The following SH2D4A variants were observed in gnomAD, a reference collection of about 807,000 sequenced individuals.
SH2D4A encodes SH2 domain-containing protein 4A.
Under a neutral mutation model 64.7 loss-of-function variants are expected in SH2D4A, and 70 were observed. That is an observed-to-expected ratio of 1.08 (90% confidence interval 0.89 to 1.32). The LOEUF (loss-of-function observed/expected upper bound fraction) is 1.32. Ranked by LOEUF, SH2D4A falls within the 40% of genes most tolerant of loss-of-function variation. The pLI is 0.00. For synonymous variants in SH2D4A, 268 were observed against 200.7 expected, an observed-to-expected ratio of 1.34 and a Z score of -2.83; for missense variants, 706 against 540.1, an observed-to-expected ratio of 1.31 and a Z score of -3.04.
At chr8:19,339,091 C>T (rs2052487717) in intron 4 of SH2D4A, among the ~76,000 whole-genome samples, 2 of 152,234 alleles carry the variant, frequency 1.3e-5, no homozygotes, top group Non-Finnish European at 2.9e-5. Context: ...TGGCAAACCA[C>T]TGGCATAAAT....
rs1453869052 is a variant in SH2D4A at position 19,315,519 on chromosome 8, A to G, written c.-205+1696A>G. On this transcript the variant is annotated intron_variant, in intron 1 of 9. Transcript: ENST00000265807. ...TCAGAGTTATTCAAAAGACAGTTGTATTGTAGAACAGTGTGAAGGTGTGAG... is the reference window on the plus strand; with the variant it reads ...TCAGAGTTATTCAAAAGACAGTTGTGTTGTAGAACAGTGTGAAGGTGTGAG... 2.0e-5 allele frequency among the ~76,000 whole-genome samples: 3 copies of G among 152,334 alleles called. No individual in the cohort carries two copies. The East Asian group carries it at 5.8e-4, about 29-fold the overall frequency.
intron 1 of SH2D4A, among the ~76,000 whole-genome samples, chr8:19,315,486 T>G (rs1482462594): frequency 6.6e-6 from 1 of 152,224 alleles, no homozygotes; most frequent in African/African-American, 2.4e-5. Context: ...TTGTATTTTG[T>G]TTAGGTCTCA....
chr8:19,345,292 T>G (rs1418909890), intron 4 of SH2D4A, among the ~76,000 whole-genome samples: 1 of 152,188 alleles, frequency 6.6e-6, no homozygotes. Context: ...GGACTCTGTT[T>G]GCTGAGGTGA....
chr8:19,394,303 G>C (rs1213731445), intron 9 of SH2D4A, among the ~76,000 whole-genome samples: 1 of 152,196 alleles, frequency 6.6e-6, no homozygotes, highest in Non-Finnish European at 1.5e-5. Context: ...ACTGGTACTG[G>C]TCCATGGCCC....
chr8:19,342,152 T>A (rs1319983600), intron 4 of SH2D4A, among the ~76,000 whole-genome samples: 1 of 152,190 alleles, frequency 6.6e-6, no homozygotes, highest in Non-Finnish European at 1.5e-5. Context: ...GGGTTGGGTT[T>A]GGGCATGAGA....
Position 19,394,841 on chromosome 8 carries a change from C to T in SH2D4A, c.*199C>T. 1 of 398,010 alleles carries T rather than the reference C, an allele frequency of 2.5e-6. No individual in the cohort carries two copies. Among genetic ancestry groups the T allele is most frequent in the Non-Finnish European group, 4.5e-6 (1 of 224,658 alleles). The allele number at this position is 398,010 out of a possible 1,614,324, so 24.7% of individuals were successfully genotyped here. On this transcript the variant is annotated 3_prime_UTR_variant, in exon 10 of 10. Transcript: ENST00000265807. ...GAATTCAATGTCAAGAGAAAATGAC[C>T]TCTGCTCAAAAGGGAGAAGAGTCTC...
At chr8:19,335,939 A>G (rs2052438799) in intron 4 of SH2D4A, among the ~76,000 whole-genome samples, 1 of 152,122 alleles carries the variant, frequency 6.6e-6, no homozygotes, top group African/African-American at 2.4e-5. Flanking sequence ...TTTGATTTCC[A>G]TTTATGTCTC....
At position 19,393,418 on chromosome 8, in the gene SH2D4A, G is replaced by A. The variant is rs756624732; in HGVS notation, c.1149G>A (p.Leu383=). 6.2e-7 allele frequency: 1 copy of A among 1,614,244 alleles called. No homozygotes were observed. Among genetic ancestry groups the A allele is most frequent in the Non-Finnish European group, 8.5e-7 (1 of 1,180,050 alleles). Reference sequence around the variant, plus strand: ...GTGAAAGGATCAAAGGCTATGCCCTGTCCTATCTGTCGGAGGACGGCTGTA... The same window carrying A: ...GTGAAAGGATCAAAGGCTATGCCCTATCCTATCTGTCGGAGGACGGCTGTA... ...RVSERIKGYA[L]SYLSEDGCKH... The change falls in exon 9 of 10, where the codon CTG becomes CTA. Residue 383 remains leucine, a synonymous_variant. Transcript: ENST00000265807.
intron 5 of SH2D4A, among the ~76,000 whole-genome samples, chr8:19,357,878 C>T (rs143012584): frequency 9.1e-4 from 139 of 152,292 alleles, no homozygotes; most frequent in Admixed American, 1.7e-3. Flanking sequence ...ATTTGACCTA[C>T]CGAGAGTCTG....
intron 9 of SH2D4A, 52 bp downstream of exon 9, chr8:19,393,593 G>A (rs767296705): frequency 3.2e-6 from 5 of 1,559,082 alleles, no homozygotes; most frequent in Non-Finnish European, 4.4e-6. Context: ...TCCTGTAGCA[G>A]CTCTAACAAT....
At chr8:19,352,575 T>A (rs1784038605) in intron 4 of SH2D4A, among the ~76,000 whole-genome samples, 5 of 152,222 alleles carry the variant, frequency 3.3e-5, no homozygotes. Context: ...ATTTCTGTAA[T>A]GTGGCAGATG....
chr8:19,359,851 T>C (rs912478251), intron 5 of SH2D4A, among the ~76,000 whole-genome samples: 1 of 152,298 alleles, frequency 6.6e-6, no homozygotes, highest in African/African-American at 2.4e-5. Context: ...TACGTTGTGG[T>C]GACATAATAG....
chr8:19,317,914 A>C (rs1482093569), intron 1 of SH2D4A, among the ~76,000 whole-genome samples: 1 of 147,926 alleles, frequency 6.8e-6, no homozygotes, highest in Non-Finnish European at 1.5e-5. Flanking sequence ...TTCTTTTTTT[A>C]TTTTTGAGAC....
At position 19,370,202 on chromosome 8, in the gene SH2D4A, A is replaced by G. The variant is rs548146686; in HGVS notation, c.918-3328A>G. ...CTAACATATTCCTAGAGAGTATTCT[A>G]TTTGCTGTTGAGATACTGTGTATTC... On this transcript the variant is annotated intron_variant, in intron 7 of 9. Coordinates refer to ENST00000265807, the MANE Select transcript of SH2D4A (RefSeq NM_022071.4). Among the ~76,000 whole-genome samples the G allele has an allele frequency of 3.9e-3, 593 of 152,122 alleles. 4 individuals carry two copies. Among genetic ancestry groups the G allele is most frequent in the African/African-American group, 0.013 (559 of 41,550 alleles).
chr8:19,381,001 T>A (rs2053283846), intron 8 of SH2D4A, among the ~76,000 whole-genome samples: 1 of 152,132 alleles, frequency 6.6e-6, no homozygotes, highest in South Asian at 2.1e-4. Context: ...ACATGGGATG[T>A]GTTTTTATTT....
intron 2 of SH2D4A, among the ~76,000 whole-genome samples, chr8:19,319,929 A>G (rs574869569): frequency 6.6e-6 from 1 of 152,336 alleles, no homozygotes; most frequent in South Asian, 2.1e-4. Flanking sequence ...ATGGAGTTGC[A>G]TAGCTATGAG....
chr8:19,319,839 G>C, intron 2 of SH2D4A, 111 bp downstream of exon 2: 1 of 1,111,106 alleles, frequency 9.0e-7, no homozygotes, highest in Non-Finnish European at 1.2e-6. Flanking sequence ...CAGTTTGGCA[G>C]ATGAATCCTA....
Position 19,393,456 on chromosome 8 carries a change from T to C in SH2D4A, c.1187T>C (p.Ile396Thr), listed in dbSNP as rs147445565. ...GAGGACGGCTGTAAACATTTCCTCATCGATGCCTCTGCAGACGCCTACAGC... is the reference window on the plus strand; with the variant it reads ...GAGGACGGCTGTAAACATTTCCTCACCGATGCCTCTGCAGACGCCTACAGC... ...LSEDGCKHFL[I>T]DASADAYSFL... Residue 396 changes from isoleucine (I) to threonine (T), a missense_variant, in exon 9 of 10, where the codon ATC (isoleucine) becomes ACC (threonine). By Grantham distance (89) the Ile-to-Thr change is moderately conservative. Transcript: ENST00000265807. 3 of 1,614,108 alleles carry C rather than the reference T, an allele frequency of 1.9e-6. No individual in the cohort carries two copies. In the African/African-American group the frequency reaches 4.0e-5, roughly 22 times the overall value.
intron 2 of SH2D4A, among the ~76,000 whole-genome samples, chr8:19,321,154 AGTC>A (rs2052183898): frequency 6.6e-6 from 1 of 152,218 alleles, no homozygotes; most frequent in African/African-American, 2.4e-5. Flanking sequence ...ACTTCTGCAA[AGTC>A]AGCAGTGACA....
Sources: allele counts gnomAD v4.1 joint callset (sites outside exome capture counted in the v4.1 genomes callset), GRCh38; gene constraint gnomAD v4.1.1; transcripts MANE v1.5; gene names NCBI Gene and HGNC (gene_info 2026-07-23, HGNC 2026-07-21).